Variants in PMS1 observed in about 807,000 individuals in gnomAD.
The protein encoded by PMS1 is PMS1 homolog 1, mismatch repair system component.
A neutral mutation model predicts 93.1 loss-of-function variants in PMS1; 79 were observed. The ratio of observed to expected loss-of-function variants is 0.85; its 90% CI spans 0.71 to 1.02. The LOEUF (loss-of-function observed/expected upper bound fraction) is 1.02. Ranked by LOEUF, PMS1 falls within the 50% of genes least tolerant of loss-of-function variation. PMS1 has a pLI of 0.00. For synonymous variants in PMS1, 335 were observed against 363.4 expected (o/e 0.92, Z 0.89); for missense variants, 1,064 against 1,085.3 (o/e 0.98, Z 0.28).
At chr2:189,785,873 C>T (rs2048289780) in intron 1 of PMS1, among the ~76,000 whole-genome samples, 1 of 152,102 alleles carries the variant, frequency 6.6e-6, no homozygotes, top group East Asian at 1.9e-4. Flanking sequence ...ACCTGTAATC[C>T]CAGCACTTTG....
rs1181206247 is a variant in PMS1, at chr2:189,805,888, A to AGCT, written c.418+134_418+135insGCT. On this transcript the variant is annotated intron_variant, in intron 4 of 12. Transcript: ENST00000441310. ...TCCTGATAAAGGCTAGTTAACTTCC[A>AGCT]AGTAAACATTCAGCCTTTATTCTAG... The AGCT allele has an allele frequency of 2.6e-6, 4 of 1,541,290 alleles. No individual in the cohort carries two copies. In the African/African-American group the frequency reaches 5.6e-5, roughly 21 times the overall value.
intron 2 of PMS1, among the ~76,000 whole-genome samples, chr2:189,792,891 A>G (rs1470182144): frequency 6.7e-6 from 1 of 149,998 alleles, no homozygotes; most frequent in Non-Finnish European, 1.5e-5. Context: ...AGCTTACTGC[A>G]CTCTCCCTCC....
chr2:189,841,551 CTAGT>C (rs1423635451), intron 5 of PMS1, among the ~76,000 whole-genome samples: 1 of 152,016 alleles, frequency 6.6e-6, no homozygotes, highest in Non-Finnish European at 1.5e-5. Flanking sequence ...TCCTGATGTG[CTAGT>C]TAGAGAACAT....
intron 1 of PMS1, among the ~76,000 whole-genome samples, chr2:189,785,078 C>T (rs2048167431): frequency 6.6e-6 from 1 of 152,188 alleles, no homozygotes; most frequent in African/African-American, 2.4e-5. Context: ...TGAGGAAAGT[C>T]TTGATTAGGT....
chr2:189,786,777 C>T (rs774367090), intron 1 of PMS1, among the ~76,000 whole-genome samples: 3 of 152,186 alleles, frequency 2.0e-5, no homozygotes, highest in South Asian at 2.1e-4. Context: ...AGAGGCCAGT[C>T]GTGGTGGCTC....
At chr2:189,838,362 C>G (rs2053558907) in intron 5 of PMS1, among the ~76,000 whole-genome samples, 1 of 152,120 alleles carries the variant, frequency 6.6e-6, no homozygotes, top group African/African-American at 2.4e-5. Flanking sequence ...TTTATTTGCT[C>G]ATTCCTTTAA....
At chr2:189,830,667 G>A (rs1339625485) in intron 5 of PMS1, among the ~76,000 whole-genome samples, 1 of 152,140 alleles carries the variant, frequency 6.6e-6, no homozygotes, top group East Asian at 1.9e-4. Flanking sequence ...AGTGCCTCAA[G>A]TGGGTGCTCA....
chr2:189,854,516 A>T lies in PMS1; in HGVS notation c.1244A>T (p.Asp415Val), dbSNP rs1300090711. 2.5e-6 allele frequency: 4 copies of T among 1,613,802 alleles called. No individual in the cohort carries two copies. Among genetic ancestry groups the T allele is most frequent in the Admixed American group, 1.7e-5 (1 of 60,004 alleles). The change falls in exon 9 of 13, where the codon GAC becomes GTC. Residue 415 changes from aspartate (D) to valine (V), a missense_variant. By Grantham distance (152) the Asp-to-Val change is radical. Coordinates refer to ENST00000441310, the MANE Select transcript of PMS1 (RefSeq NM_000534.5). ...DCLNHQISIG[D>V]FGYGHCSSEI... The stretch of plus-strand genomic sequence containing the variant: ...TTAAATCACCAGATAAGTATTGGTG[A>T]CTTTGGTTATGGTCATTGTAGTAGT...
At chr2:189,868,314 A>G (rs1258689380) in intron 11 of PMS1, among the ~76,000 whole-genome samples, 2 of 152,192 alleles carry the variant, frequency 1.3e-5, no homozygotes. Flanking sequence ...TTCAAAAAAC[A>G]TTTGCTTGTT....
intron 5 of PMS1, among the ~76,000 whole-genome samples, chr2:189,836,604 T>A (rs1055271124): frequency 6.6e-6 from 1 of 152,216 alleles, no homozygotes; most frequent in African/African-American, 2.4e-5. Flanking sequence ...TATAGTTTAG[T>A]TTTTTAGTGA....
intron 9 of PMS1, among the ~76,000 whole-genome samples, chr2:189,861,770 CTG>C (rs2056039202): frequency 6.6e-6 from 1 of 151,284 alleles, no homozygotes; most frequent in African/African-American, 2.4e-5. Flanking sequence ...AAAGATTTCA[CTG>C]TCATCTGGCT....
At position 189,854,556 on chromosome 2, in the gene PMS1, T is replaced by A; in HGVS notation, c.1284T>A (p.Ile428=). The A allele has an allele frequency of 6.2e-7, 1 of 1,613,474 alleles. No homozygotes were observed. The highest frequency in any genetic ancestry group is 8.5e-7 in the Non-Finnish European group (1 of 1,179,552). ...ATTGTAGTAGTGAAATTTCTAACAT[T>A]GATAAAAACACTAAGAATGCATTTC... ...YGHCSSEISN[I]DKNTKNAFQD... Residue 428 remains isoleucine (I), a synonymous_variant, in exon 9 of 13, where the codon ATT becomes ATA. Coordinates refer to ENST00000441310, the MANE Select transcript of PMS1 (RefSeq NM_000534.5).
intron 9 of PMS1, chr2:189,855,966 C>A: frequency 2.2e-6 from 1 of 450,336 alleles, no homozygotes; most frequent in Non-Finnish European, 3.2e-6. Context: ...AAATTTTAAA[C>A]GTAATCCATC....
At chr2:189,865,933 T>G (rs759053237) in intron 10 of PMS1, among the ~76,000 whole-genome samples, 1 of 152,170 alleles carries the variant, frequency 6.6e-6, no homozygotes, top group Non-Finnish European at 1.5e-5. Flanking sequence ...TTAAAGACAC[T>G]GCCATCATTG....
chr2:189,875,441 T>A lies in PMS1; in HGVS notation c.2634+1785T>A, dbSNP rs76837893. ...CATGGTACTGTATTTTCTATCACAG[T>A]TGGGGTCGGAAAAACATCCATGTAT... On this transcript the variant is annotated intron_variant, in intron 12 of 12. Transcript: ENST00000441310. Among the ~76,000 whole-genome samples the A allele has an allele frequency of 4.3e-3, 654 of 151,916 alleles. 6 individuals are homozygous for A. Among genetic ancestry groups the A allele is most frequent in the African/African-American group, 0.015 (626 of 41,406 alleles).
chr2:189,853,848 T>C, intron 7 of PMS1, 91 bp from the exon 8 acceptor site: 1 of 780,314 alleles, frequency 1.3e-6, no homozygotes, highest in Non-Finnish European at 2.1e-6. Flanking sequence ...AGCAGTTGCA[T>C]CTACTCAATT....
chr2:189,852,682 T>C lies in PMS1; in HGVS notation c.727T>C (p.Cys243Arg). ...QIYLSGFLPK[C>R]DADHSFTSLS... ...TTATCTCAGTGGATTTCTTCCAAAG[T>C]GTGATGCAGACCACTCTTTCACTAG... is the stretch of plus-strand genomic sequence containing the variant. The change falls in exon 7 of 13, where the codon TGT (cysteine) becomes CGT (arginine). Residue 243 changes from cysteine (C) to arginine (R), a missense_variant. Cys to Arg is a radical substitution (Grantham distance 180, BLOSUM62 -3). Transcript: ENST00000441310. The C allele has an allele frequency of 1.9e-6, 3 of 1,599,674 alleles. No homozygotes were observed. The highest frequency in any genetic ancestry group is 2.6e-6 in the Non-Finnish European group (3 of 1,167,056).
chr2:189,848,683 TCCA>T (rs1305799890), intron 6 of PMS1, among the ~76,000 whole-genome samples: 1 of 152,182 alleles, frequency 6.6e-6, no homozygotes, highest in Non-Finnish European at 1.5e-5. Flanking sequence ...ATGTTCCAGT[TCCA>T]TGGGCTGTCA....
At chr2:189,796,310 A>G (rs2049347262) in intron 3 of PMS1, among the ~76,000 whole-genome samples, 2 of 152,304 alleles carry the variant, frequency 1.3e-5, no homozygotes, top group East Asian at 1.9e-4. Flanking sequence ...GTGACCCGAG[A>G]TCATGCCACT....
Sources: gnomAD v4.1 joint callset for allele counts (sites outside exome capture counted in the v4.1 genomes callset) on GRCh38, gnomAD v4.1.1 for gene constraint, MANE v1.5 for transcripts, NCBI Gene and HGNC (gene_info 2026-07-23, HGNC 2026-07-21) for gene names.